Variants in GRM7 observed in about 807,000 individuals in gnomAD.
GRM7 encodes glutamate metabotropic receptor 7.
GRM7 carries 35 observed loss-of-function variants against 84.5 expected under a neutral mutation model. That is an observed-to-expected ratio of 0.41 (90% CI 0.32 to 0.55). GRM7 has a LOEUF of 0.55. Among genes scored for constraint, GRM7 ranks in the 20% least tolerant of loss-of-function variants. GRM7 has a pLI of 0.19. For missense variants in GRM7, 1,003 were observed against 1,194.6 expected, an observed-to-expected ratio of 0.84 and a Z score of 2.36; for synonymous variants, 487 against 455.1, an observed-to-expected ratio of 1.07 and a Z score of -0.89.
At chr3:7,336,014 T>A (rs1701404917) in intron 4 of GRM7, among the ~76,000 whole-genome samples, 1 of 151,696 alleles carries the variant, frequency 6.6e-6, no homozygotes, top group African/African-American at 2.4e-5. Context: ...CTATTCCAAA[T>A]GATAAAGAGG....
chr3:7,333,707 T>TA (rs35684466), intron 4 of GRM7, among the ~76,000 whole-genome samples: 96,257 of 149,960 alleles, frequency 0.64, 31,403 homozygotes, highest in African/African-American at 0.78. Flanking sequence ...ATAAAGAAAT[T>TA]AAAAAAAAAT....
intron 1 of GRM7, among the ~76,000 whole-genome samples, chr3:6,885,273 CT>C (rs1240890242): frequency 1.3e-5 from 2 of 152,124 alleles, no homozygotes; most frequent in Admixed American, 6.5e-5. Flanking sequence ...GGGCTACCCC[CT>C]AGGCAGCGTG....
intron 1 of GRM7, among the ~76,000 whole-genome samples, chr3:7,027,809 T>A (rs1287092856): frequency 6.6e-6 from 1 of 152,216 alleles, no homozygotes; most frequent in Non-Finnish European, 1.5e-5. Flanking sequence ...TTCTTGATCA[T>A]GCCAAGTTTT....
At chr3:7,145,922 C>T (rs1470945850) in intron 1 of GRM7, among the ~76,000 whole-genome samples, 1 of 152,152 alleles carries the variant, frequency 6.6e-6, no homozygotes, top group African/African-American at 2.4e-5. Flanking sequence ...TACAGAGCTA[C>T]TTTAAAATGT....
At chr3:7,100,272 C>T (rs967535294) in intron 1 of GRM7, among the ~76,000 whole-genome samples, 8 of 151,524 alleles carry the variant, frequency 5.3e-5, no homozygotes, top group African/African-American at 1.7e-4. Flanking sequence ...CATGGTGTTT[C>T]ATGGGCTGTG....
chr3:7,656,514 TAAA>T (rs374617506), intron 8 of GRM7, among the ~76,000 whole-genome samples: 1 of 104,736 alleles, frequency 9.5e-6, no homozygotes, highest in Non-Finnish European at 1.9e-5. Context: ...AACAAACAAA[TAAA>T]AAAAAATATA....
At chr3:7,074,105 G>A (rs1441837401) in intron 1 of GRM7, among the ~76,000 whole-genome samples, 2 of 152,174 alleles carry the variant, frequency 1.3e-5, no homozygotes, top group East Asian at 1.9e-4. Context: ...ATATTAATAA[G>A]AGTAGCAAAA....
chr3:6,911,884 T>C (rs1696782908), intron 1 of GRM7, among the ~76,000 whole-genome samples: 1 of 152,346 alleles, frequency 6.6e-6, no homozygotes, highest in Admixed American at 6.5e-5. Flanking sequence ...ATGATAATCA[T>C]ATGCATTAGA....
chr3:6,932,491 T>G (rs982183773), intron 1 of GRM7, among the ~76,000 whole-genome samples: 1 of 152,110 alleles, frequency 6.6e-6, no homozygotes, highest in East Asian at 1.9e-4. Context: ...TTTAGATAAA[T>G]GAAACTGGAC....
chr3:7,501,949 T>C (rs1219197504), intron 7 of GRM7, among the ~76,000 whole-genome samples: 3 of 152,190 alleles, frequency 2.0e-5, no homozygotes, highest in African/African-American at 4.8e-5. Context: ...TACGCAAGAA[T>C]TTATTGCCTC....
intron 1 of GRM7, among the ~76,000 whole-genome samples, chr3:6,893,754 A>G (rs551759371): frequency 1.5e-4 from 23 of 152,312 alleles, no homozygotes; most frequent in African/African-American, 5.1e-4. Context: ...ACATTTGGTT[A>G]TTAGTTATAT....
intron 5 of GRM7, among the ~76,000 whole-genome samples, chr3:7,445,940 T>A (rs1008904800): frequency 6.6e-6 from 1 of 152,158 alleles, no homozygotes; most frequent in Admixed American, 6.6e-5. Context: ...CTGCTGTCCC[T>A]GTGTCCCCTT....
intron 1 of GRM7, among the ~76,000 whole-genome samples, chr3:7,107,712 G>A (rs536533181): frequency 1.3e-5 from 2 of 152,160 alleles, no homozygotes; most frequent in South Asian, 4.1e-4. Context: ...GGCAGGAGGT[G>A]TTTTTCAAGA....
At chr3:6,978,794 G>A (rs1368141351) in intron 1 of GRM7, among the ~76,000 whole-genome samples, 1 of 152,136 alleles carries the variant, frequency 6.6e-6, no homozygotes, top group African/African-American at 2.4e-5. Context: ...AAGTGGAGAT[G>A]TATTAACCCA....
chr3:7,713,134 T>TG (rs1357166808), intron 9 of GRM7, among the ~76,000 whole-genome samples: 5,070 of 83,476 alleles, frequency 0.061, 179 homozygotes, highest in South Asian at 0.21. Context: ...GTTTTTTTTT[T>TG]TTTTTTTTTT....
chr3:7,119,081 A>C (rs765829567), intron 1 of GRM7, among the ~76,000 whole-genome samples: 2 of 152,146 alleles, frequency 1.3e-5, no homozygotes, highest in Admixed American at 1.3e-4. Flanking sequence ...TTAAATTTTC[A>C]GTTCTTTTCT....
Position 7,740,571 on chromosome 3 carries a change from G to A in GRM7, c.*165G>A, listed in dbSNP as rs1702660994. ...CAAGCGACCTAAACAGCTGCTTTAT[G>A]AAATATCCTTACTTTATCTGGGCTT... On this transcript the variant is annotated 3_prime_UTR_variant, in exon 10 of 10. Transcript: ENST00000357716. 1 of 477,094 alleles carries A rather than the reference G, an allele frequency of 2.1e-6. No homozygotes were observed. Among genetic ancestry groups the A allele is most frequent in the East Asian group, 3.5e-5 (1 of 28,200 alleles). 29.6% of individuals were successfully genotyped at this position (477,094 alleles called of 1,614,324 possible).
intron 1 of GRM7, among the ~76,000 whole-genome samples, chr3:7,055,853 T>G (rs1697200486): frequency 6.6e-6 from 1 of 151,892 alleles, no homozygotes; most frequent in Non-Finnish European, 1.5e-5. Context: ...ATACTGAATA[T>G]ATACACACTC....
At chr3:6,999,630 G>T (rs1183277337) in intron 1 of GRM7, among the ~76,000 whole-genome samples, 1 of 152,132 alleles carries the variant, frequency 6.6e-6, no homozygotes, top group Non-Finnish European at 1.5e-5. Context: ...AGTTCTGCAG[G>T]GCTGGGGATG....
Sources: gnomAD v4.1 joint callset for allele counts (sites outside exome capture counted in the v4.1 genomes callset) on GRCh38, gnomAD v4.1.1 for gene constraint, MANE v1.5 for transcripts, NCBI Gene and HGNC (gene_info 2026-07-23, HGNC 2026-07-21) for gene names.